The following PLXNA1 variants were observed in gnomAD, a reference collection of about 807,000 sequenced individuals.
PLXNA1 encodes the protein plexin A1.
PLXNA1 carries 77 observed loss-of-function variants against 191.7 expected under a neutral mutation model. That is an observed-to-expected ratio of 0.40 (90% CI 0.33 to 0.49). The LOEUF (loss-of-function observed/expected upper bound fraction) is 0.49. PLXNA1 is among the 20% of genes least tolerant of loss of function. The pLI is 0.63. For missense variants in PLXNA1, 2,110 were observed against 2,660.2 expected (o/e 0.79, Z 4.55); for synonymous variants, 1,137 against 1,156.4 (o/e 0.98, Z 0.34).
At position 127,017,820 on chromosome 3, in the gene PLXNA1, C is replaced by T; in HGVS notation, c.3588C>T (p.Pro1196=). Residue 1196 remains proline, a synonymous_variant, in exon 19 of 32, where the codon CCC becomes CCT. Coordinates refer to ENST00000393409, the MANE Select transcript of PLXNA1 (RefSeq NM_032242.4). ...LNYTVLIGST[P]CTLTVSETQL... ...ACACGGTGCTCATCGGCTCCACACC[C>T]TGTACCCTCACCGTGTCGGAGACGC... is the stretch of plus-strand genomic sequence containing the variant. 6.2e-7 allele frequency: 1 copy of T among 1,613,134 alleles called. No individual in the cohort carries two copies. The highest frequency in any genetic ancestry group is 1.1e-5 in the South Asian group (1 of 91,074).
intron 23 of PLXNA1, chr3:127,027,266 C>T (rs374142272): frequency 3.4e-4 from 86 of 251,580 alleles, no homozygotes; most frequent in African/African-American, 1.8e-3. Context: ...CGCGGGGAGC[C>T]GGAGGGTGAG....
chr3:126,997,636 G>T lies in PLXNA1; in HGVS notation c.1378-5694G>T, dbSNP rs906869587. Among the ~76,000 whole-genome samples the T allele has an allele frequency of 7.0e-4, 106 of 152,298 alleles. 1 individual carries two copies. The highest frequency in any genetic ancestry group is 3.1e-4 in the Non-Finnish European group (21 of 68,012). ...GTGAGCGTGTGCCCGCCCCCTTTCC[G>T]CCTCTCCTGGATGTAGTTGGCCACT... On this transcript the variant is annotated intron_variant, in intron 3 of 31. Transcript: ENST00000393409.
At chr3:126,993,569 G>A (rs999703477) in intron 3 of PLXNA1, among the ~76,000 whole-genome samples, 2 of 152,166 alleles carry the variant, frequency 1.3e-5, no homozygotes, top group Admixed American at 6.5e-5. Flanking sequence ...GAGGCTCTAG[G>A]TGCCCATACC....
chr3:127,007,483 C>G (rs1004161069), intron 8 of PLXNA1, among the ~76,000 whole-genome samples: 1 of 152,182 alleles, frequency 6.6e-6, no homozygotes, highest in Non-Finnish European at 1.5e-5. Context: ...GTACCCATGC[C>G]TGGCTGGCAG....
chr3:127,020,490 C>A, intron 21 of PLXNA1, 146 bp downstream of exon 21: 4 of 1,019,808 alleles, frequency 3.9e-6, no homozygotes, highest in Non-Finnish European at 5.6e-6. Context: ...CTGGGCTCAG[C>A]CAAGTGGGGA....
chr3:127,002,657 C>G (rs2107626225), intron 3 of PLXNA1, among the ~76,000 whole-genome samples: 2 of 152,370 alleles, frequency 1.3e-5, no homozygotes, highest in South Asian at 4.1e-4. Flanking sequence ...AGAGTCCCAT[C>G]TCTGGAAAGC....
chr3:127,018,015 G>A (rs760687952), intron 19 of PLXNA1, 123 bp downstream of exon 19: 14 of 1,344,996 alleles, frequency 1.0e-5, no homozygotes, highest in African/African-American at 1.4e-5. Flanking sequence ...GAGGGCGCCC[G>A]GCTCCAGTGC....
chr3:127,014,687 C>T, intron 13 of PLXNA1, 24 bp from the exon 14 acceptor site: 2 of 1,610,712 alleles, frequency 1.2e-6, no homozygotes, highest in African/African-American at 1.3e-5. Flanking sequence ...GCTCCTGCAG[C>T]CCCTGAGGCC....
At chr3:127,021,986 C>A (rs2079153892) in intron 21 of PLXNA1, 99 bp from the exon 22 acceptor site, 1 of 1,499,144 alleles carries the variant, frequency 6.7e-7, no homozygotes. Flanking sequence ...TCTGATGGGG[C>A]CCTGCCTCAC....
At chr3:126,990,246 A>G (rs1381684331) in intron 2 of PLXNA1, among the ~76,000 whole-genome samples, 1 of 152,214 alleles carries the variant, frequency 6.6e-6, no homozygotes, top group Admixed American at 6.5e-5. Flanking sequence ...CCCAGACACC[A>G]TTTCCATGGA....
At position 126,983,176 on chromosome 3, in the gene PLXNA1, G is replaced by T. The variant is rs960797877; in HGVS notation, c.-185G>T. Among the ~76,000 whole-genome samples, 173 of 144,378 alleles carry T rather than the reference G, an allele frequency of 1.2e-3. No homozygotes were observed. The highest frequency in any genetic ancestry group is 4.1e-3 in the African/African-American group (164 of 40,308). 94.7% of individuals were successfully genotyped at this position (144,378 alleles called of 152,430 possible). Reference sequence around the variant, plus strand: ...GAGCCCGGGCGCGGCGGCGGCCTCGGCCTGGGCGGCCTACGCGGCTTCGGC... The same window carrying T: ...GAGCCCGGGCGCGGCGGCGGCCTCGTCCTGGGCGGCCTACGCGGCTTCGGC... On this transcript the variant is annotated 5_prime_UTR_variant, in exon 1 of 32. Transcript: ENST00000393409.
Position 127,004,976 on chromosome 3 carries a change from C to G in PLXNA1, c.1711C>G (p.Arg571Gly). ...GTGTGTGCAGCTGACTGTGCAGCCC[C>G]GCAATGTGTCTGTCACCATGTCCCA... ...LQCVQLTVQP[R>G]NVSVTMSQVP... Residue 571 changes from arginine (R) to glycine (G), a missense_variant, in exon 6 of 32, where the codon CGC becomes GGC. Physicochemically the swap from Arg to Gly is moderately radical, Grantham distance 125. Coordinates refer to ENST00000393409, the MANE Select transcript of PLXNA1 (RefSeq NM_032242.4). 1 of 1,610,090 alleles carries G rather than the reference C, an allele frequency of 6.2e-7. No individual in the cohort carries two copies.
At chr3:127,009,844 C>G (rs1383532867) in intron 9 of PLXNA1, among the ~76,000 whole-genome samples, 2 of 152,186 alleles carry the variant, frequency 1.3e-5, no homozygotes, top group Non-Finnish European at 2.9e-5. Flanking sequence ...GTGCTGTGTG[C>G]CAGGGCCTAA....
chr3:127,019,251 G>T lies in PLXNA1; in HGVS notation c.3895+723G>T, dbSNP rs532724075. On this transcript the variant is annotated intron_variant, in intron 20 of 31. Coordinates refer to ENST00000393409, the MANE Select transcript of PLXNA1 (RefSeq NM_032242.4). Reference sequence around the variant, plus strand: ...CATGAATTCCACTGGGACTCAACTGGGATGGGGTGTTTTGTTTGCACAGGA... The same window carrying T: ...CATGAATTCCACTGGGACTCAACTGTGATGGGGTGTTTTGTTTGCACAGGA... Among the ~76,000 whole-genome samples, 3 of 151,108 alleles carry T rather than the reference G, an allele frequency of 2.0e-5. No individual in the cohort carries two copies. The East Asian group carries it at 5.8e-4, about 29-fold the overall frequency.
rs549211886 is a variant in PLXNA1, at chr3:127,018,256, G to T, written c.3661-38G>T. On this transcript the variant is annotated intron_variant, in intron 19 of 31. Coordinates refer to ENST00000393409, the MANE Select transcript of PLXNA1 (RefSeq NM_032242.4). Reference sequence around the variant, plus strand: ...GAGGGGCTCCCAAGCTTTGTGGAAAGCATGGGAAGCTCCTGAGTGGCCTCC... The same window carrying T: ...GAGGGGCTCCCAAGCTTTGTGGAAATCATGGGAAGCTCCTGAGTGGCCTCC... The T allele has an allele frequency of 1.5e-5, 23 of 1,528,374 alleles. No individual in the cohort carries two copies. The South Asian group carries it at 2.8e-4, about 18-fold the overall frequency. The allele number at this position is 1,528,374 out of a possible 1,614,324, so 94.7% of individuals were successfully genotyped here. A position where few individuals can be genotyped will look rare whatever the true frequency, so the allele number is the denominator to read the frequency against.
intron 3 of PLXNA1, among the ~76,000 whole-genome samples, chr3:126,992,369 G>A (rs1414277563): frequency 6.6e-6 from 1 of 152,060 alleles, no homozygotes; most frequent in Admixed American, 6.5e-5. Flanking sequence ...GTGCATAACC[G>A]GCACCAGAGG....
In PLXNA1 at chr3:127,016,371, A is replaced by G. The variant is rs2079123450; in HGVS notation, c.3015-146A>G. On this transcript the variant is annotated intron_variant, in intron 15 of 31. Coordinates refer to ENST00000393409, the MANE Select transcript of PLXNA1 (RefSeq NM_032242.4). ...TAGGACAGACATGCACAGCCCTGGG[A>G]GGGAAAGTAGCGGTGATAGTATGCA... 7.2e-6 allele frequency: 5 copies of G among 692,368 alleles called. No individual in the cohort carries two copies. In the East Asian group the frequency reaches 1.3e-4, roughly 19 times the overall value. 42.9% of individuals were successfully genotyped at this position (692,368 alleles called of 1,614,324 possible). A position where few individuals can be genotyped will look rare whatever the true frequency, so the allele number is the denominator to read the frequency against.
chr3:127,015,715 TATTTTCCTATGGTA>T (rs1217374333), intron 15 of PLXNA1, among the ~76,000 whole-genome samples: 1 of 152,230 alleles, frequency 6.6e-6, no homozygotes, highest in African/African-American at 2.4e-5. Context: ...TCCCTTTAAA[TATTTTCCTATGGTA>T]ATTACCCGTT....
chr3:126,984,220 G>A (rs1048828188), intron 1 of PLXNA1, among the ~76,000 whole-genome samples: 5 of 152,174 alleles, frequency 3.3e-5, no homozygotes, highest in African/African-American at 1.2e-4. Context: ...GGGGCTCCGA[G>A]GGGCGGCCCC....
Sources: allele counts gnomAD v4.1 joint callset (sites outside exome capture counted in the v4.1 genomes callset), GRCh38; gene constraint gnomAD v4.1.1; transcripts MANE v1.5; gene names NCBI Gene and HGNC (gene_info 2026-07-23, HGNC 2026-07-21).